NPBWR1: variants seen among roughly 807,000 people sequenced by gnomAD.
NPBWR1 encodes the protein neuropeptides B and W receptor 1.
A neutral mutation model predicts 2.8 loss-of-function variants in NPBWR1; 4 were observed. The observed-to-expected ratio is 1.44, with a 90% CI of 0.71 to 3.29. The LOEUF is 3.29. Ranked by LOEUF, NPBWR1 falls within the 30% of genes most tolerant of loss-of-function variation. NPBWR1 has a pLI of 0.01. For synonymous variants in NPBWR1, 250 were observed against 224.5 expected, an observed-to-expected ratio of 1.11 and a Z score of -1.02; for missense variants, 545 against 462.5, an observed-to-expected ratio of 1.18 and a Z score of -1.64.
Position 52,942,945 on chromosome 8 carries a change from T to C in NPBWR1, c.*2051T>C, listed in dbSNP as rs546825431. Among the ~76,000 whole-genome samples, 19 of 152,240 alleles carry C rather than the reference T, an allele frequency of 1.2e-4. No individual in the cohort carries two copies. Among genetic ancestry groups the C allele is most frequent in the Non-Finnish European group, 2.5e-4 (17 of 68,042 alleles). On this transcript the variant is annotated 3_prime_UTR_variant, in exon 2 of 2. Transcript: ENST00000674939. ...TTTCGAATTTCTAGGAAACATTCTA[T>C]TGATTTTCCTTAAACTCTCAAAATT...
In NPBWR1 at chr8:52,940,151, G is replaced by A; in HGVS notation, c.244G>A (p.Ala82Thr). The A allele has an allele frequency of 1.2e-6, 2 of 1,613,470 alleles. No homozygotes were observed. Among genetic ancestry groups the A allele is most frequent in the Non-Finnish European group, 1.7e-6 (2 of 1,179,992 alleles). Residue 82 changes from alanine (A) to threonine (T), a missense_variant, in exon 2 of 2, where the codon GCC becomes ACC. By Grantham distance (58) the Ala-to-Thr change is moderately conservative. Transcript: ENST00000674939. Reference protein sequence around the residue: ...TNLFILNLAIADELFTLVLPI... With the variant: ...TNLFILNLAITDELFTLVLPI... Reference sequence around the variant, plus strand: ...CCTGTTCATCCTCAACCTGGCCATCGCCGACGAGCTCTTCACGCTGGTGCT... The same window carrying A: ...CCTGTTCATCCTCAACCTGGCCATCACCGACGAGCTCTTCACGCTGGTGCT...
rs145057890 is a variant in NPBWR1, at chr8:52,940,023, C to T, written c.116C>T (p.Ala39Val). The T allele has an allele frequency of 2.3e-4, 368 of 1,605,908 alleles. No homozygotes were observed. The highest frequency in any genetic ancestry group is 2.8e-4 in the Non-Finnish European group (326 of 1,179,784). Residue 39 changes from alanine to valine, a missense_variant, in exon 2 of 2, where the codon GCT (alanine) becomes GTT (valine). Physicochemically the swap from Ala to Val is moderately conservative, Grantham distance 64. Transcript: ENST00000674939. ...CCGCTGCCGGCGCCGCTGGCGGTGGCTGTACCAGTTGTCTACGCGGTGATC... is the reference window on the plus strand; with the variant it reads ...CCGCTGCCGGCGCCGCTGGCGGTGGTTGTACCAGTTGTCTACGCGGTGATC... ...LAPLPAPLAV[A>V]VPVVYAVICA...
chr8:52,939,536 C>T (rs1014679557), intron 1 of NPBWR1, 170 bp downstream of exon 1: 40 of 229,598 alleles, frequency 1.7e-4, no homozygotes, highest in Non-Finnish European at 2.0e-4. Context: ...CTCTCTCTAG[C>T]ATTTCGTTTG....
rs1802910782 is a variant in NPBWR1, at chr8:52,943,152, G to A, written c.*2258G>A. ...GCTCAGTAACTGGACTCAGATGGGGGACAGCTGAGTGATCCATCTGTCCAC... is the reference window on the plus strand; with the variant it reads ...GCTCAGTAACTGGACTCAGATGGGGAACAGCTGAGTGATCCATCTGTCCAC... On this transcript the variant is annotated 3_prime_UTR_variant, in exon 2 of 2. Coordinates refer to ENST00000674939, the MANE Select transcript of NPBWR1 (RefSeq NM_005285.5). Among the ~76,000 whole-genome samples, 1 of 152,208 alleles carries A rather than the reference G, an allele frequency of 6.6e-6. No individual in the cohort carries two copies. Among genetic ancestry groups the A allele is most frequent in the African/African-American group, 2.4e-5 (1 of 41,452 alleles).
At position 52,941,973 on chromosome 8, in the gene NPBWR1, T is replaced by TC. The variant is rs1802883750; in HGVS notation, c.*1080dup. On this transcript the variant is annotated 3_prime_UTR_variant, in exon 2 of 2. Transcript: ENST00000674939. The stretch of plus-strand genomic sequence containing the variant: ...ACTTAGATCAGTTTGTTGTAACTGT[T>TC]CATGTGTGTACTGTTTTTCAGGACT... Among the ~76,000 whole-genome samples the TC allele has an allele frequency of 6.6e-6, 1 of 152,254 alleles. No individual in the cohort carries two copies. Among genetic ancestry groups the TC allele is most frequent in the African/African-American group, 2.4e-5 (1 of 41,470 alleles).
At position 52,941,054 on chromosome 8, in the gene NPBWR1, C is replaced by T. The variant is rs79560601; in HGVS notation, c.*160C>T. 0.14 allele frequency: 138,254 copies of T among 995,462 alleles called. 10,413 individuals are homozygous for T. The highest frequency in any genetic ancestry group is 0.2 in the Middle Eastern group (612 of 3,066). 61.7% of individuals were successfully genotyped at this position (995,462 alleles called of 1,614,324 possible). A position where few individuals can be genotyped will look rare whatever the true frequency, so the allele number is the denominator to read the frequency against. On this transcript the variant is annotated 3_prime_UTR_variant, in exon 2 of 2. Transcript: ENST00000674939. ...AGATCGGAAGCGCTGCGACTGTGCC[C>T]GCAGGTTGACCTTGCCAAGCCCTCC...
In NPBWR1 at chr8:52,942,635, A is replaced by T. The variant is rs1802900311; in HGVS notation, c.*1741A>T. ...CTTTTAATAAATATTTGGAAGGAAA[A>T]AACTCCCCCTTGGAATGGGGGGAAG... On this transcript the variant is annotated 3_prime_UTR_variant, in exon 2 of 2. Coordinates refer to ENST00000674939, the MANE Select transcript of NPBWR1 (RefSeq NM_005285.5). 6.6e-6 allele frequency among the ~76,000 whole-genome samples: 1 copy of T among 152,194 alleles called. No individual in the cohort carries two copies. The highest frequency in any genetic ancestry group is 1.5e-5 in the Non-Finnish European group (1 of 68,036).
rs563711899 is a variant in NPBWR1 at position 52,942,919 on chromosome 8, C to A, written c.*2025C>A. On this transcript the variant is annotated 3_prime_UTR_variant, in exon 2 of 2. Coordinates refer to ENST00000674939, the MANE Select transcript of NPBWR1 (RefSeq NM_005285.5). ...GGCTTCTTGGAATTCATTTTAATAT[C>A]TTTCGAATTTCTAGGAAACATTCTA... Among the ~76,000 whole-genome samples, 2 of 152,310 alleles carry A rather than the reference C, an allele frequency of 1.3e-5. No individual in the cohort carries two copies. Among genetic ancestry groups the A allele is most frequent in the East Asian group, 3.9e-4 (2 of 5,186 alleles).
Position 52,943,233 on chromosome 8 carries a change from C to A in NPBWR1, c.*2339C>A, listed in dbSNP as rs1196092901. Among the ~76,000 whole-genome samples, 3 of 152,334 alleles carry A rather than the reference C, an allele frequency of 2.0e-5. No individual in the cohort carries two copies. The East Asian group carries it at 5.8e-4, about 29-fold the overall frequency. On this transcript the variant is annotated 3_prime_UTR_variant, in exon 2 of 2. Coordinates refer to ENST00000674939, the MANE Select transcript of NPBWR1 (RefSeq NM_005285.5). ...GCCTTCTTGGAATCTATGGAGATGA[C>A]TGCTGGAAAAATACACGGGCTGACA...
chr8:52,943,665 C>T lies in NPBWR1; in HGVS notation c.*2771C>T, dbSNP rs1369360038. Among the ~76,000 whole-genome samples the T allele has an allele frequency of 1.3e-5, 2 of 152,182 alleles. No homozygotes were observed. The highest frequency in any genetic ancestry group is 2.4e-5 in the African/African-American group (1 of 41,438). ...TATGCTTATGTTTTCTCTTGACAAA[C>T]GCAGAAACTCTGTAGTCCATTGTAG... On this transcript the variant is annotated 3_prime_UTR_variant, in exon 2 of 2. Coordinates refer to ENST00000674939, the MANE Select transcript of NPBWR1 (RefSeq NM_005285.5).
rs145403069 is a variant in NPBWR1 at position 52,941,880 on chromosome 8, G to C, written c.*986G>C. 2.1e-3 allele frequency among the ~76,000 whole-genome samples: 314 copies of C among 152,314 alleles called. No homozygotes were observed. The highest frequency in any genetic ancestry group is 7.4e-3 in the African/African-American group (306 of 41,582). On this transcript the variant is annotated 3_prime_UTR_variant, in exon 2 of 2. Coordinates refer to ENST00000674939, the MANE Select transcript of NPBWR1 (RefSeq NM_005285.5). ...CGCTTCACAGCGCTGTGGCACACTG[G>C]TCATCGTTGCTTATAGAGGATGCCA...
rs1860190400 is a variant in NPBWR1, at chr8:52,941,028, C to T, written c.*134C>T. ...GACTCGCGCCCCATACCCGACCTAG[C>T]AGATCGGAAGCGCTGCGACTGTGCC... On this transcript the variant is annotated 3_prime_UTR_variant, in exon 2 of 2. Coordinates refer to ENST00000674939, the MANE Select transcript of NPBWR1 (RefSeq NM_005285.5). 8.3e-7 allele frequency: 1 copy of T among 1,210,318 alleles called. No individual in the cohort carries two copies. The highest frequency in any genetic ancestry group is 1.6e-5 in the South Asian group (1 of 62,170). The allele number at this position is 1,210,318 out of a possible 1,614,324, so 75.0% of individuals were successfully genotyped here.
rs532277350 is a variant in NPBWR1 at position 52,941,026 on chromosome 8, A to G, written c.*132A>G. 1.9e-4 allele frequency: 229 copies of G among 1,220,656 alleles called. 4 individuals carry two copies. The South Asian group carries it at 2.6e-3, about 14-fold the overall frequency. 75.6% of individuals were successfully genotyped at this position (1,220,656 alleles called of 1,614,324 possible). On this transcript the variant is annotated 3_prime_UTR_variant, in exon 2 of 2. Coordinates refer to ENST00000674939, the MANE Select transcript of NPBWR1 (RefSeq NM_005285.5). Reference sequence around the variant, plus strand: ...CCGACTCGCGCCCCATACCCGACCTAGCAGATCGGAAGCGCTGCGACTGTG... The same window carrying G: ...CCGACTCGCGCCCCATACCCGACCTGGCAGATCGGAAGCGCTGCGACTGTG...
Position 52,940,234 on chromosome 8 carries a change from C to T in NPBWR1, c.327C>T (p.Cys109=). The T allele has an allele frequency of 6.2e-7, 1 of 1,613,810 alleles. No individual in the cohort carries two copies. Among genetic ancestry groups the T allele is most frequent in the African/African-American group, 1.3e-5 (1 of 75,070 alleles). ...AGTGGCCCTTCGGGGAGCTCATGTG[C>T]AAGCTCATCGTGGCTATCGACCAGT... The part of the protein sequence containing the change: ...LRQWPFGELM[C]KLIVAIDQYN... Residue 109 remains cysteine (C), a synonymous_variant, in exon 2 of 2, where the codon TGC becomes TGT. Transcript: ENST00000674939.
rs753374186 is a variant in NPBWR1, at chr8:52,939,926, T to C, written c.19T>C (p.Ser7Pro). 43 of 1,553,110 alleles carry C rather than the reference T, an allele frequency of 2.8e-5. No homozygotes were observed. The highest frequency in any genetic ancestry group is 2.9e-5 in the Non-Finnish European group (34 of 1,158,252). The change falls in exon 2 of 2, where the codon TCG becomes CCG. Residue 7 changes from serine (S) to proline (P), a missense_variant. Transcript: ENST00000674939. ...CGTTGAGATGGACAACGCCTCGTTC[T>C]CGGAGCCCTGGCCCGCCAACGCATC... The part of the protein sequence containing the change: MDNASF[S>P]EPWPANASGP...
Position 52,941,547 on chromosome 8 carries a change from CTG to C in NPBWR1, c.*670_*671del, listed in dbSNP as rs111878763. 1.5e-4 allele frequency among the ~76,000 whole-genome samples: 22 copies of C among 150,328 alleles called. No individual in the cohort carries two copies. The highest frequency in any genetic ancestry group is 3.5e-3 in the Middle Eastern group (1 of 288). ...ATGCCCCATCGGAGTGTGTATACACCTGTGTGTGTGTGTGTGTGGTGTGCGCG... is the reference window on the plus strand; with the variant it reads ...ATGCCCCATCGGAGTGTGTATACACCTGTGTGTGTGTGTGTGGTGTGCGCG... On this transcript the variant is annotated 3_prime_UTR_variant, in exon 2 of 2. Transcript: ENST00000674939.
Position 52,942,892 on chromosome 8 carries a change from G to A in NPBWR1, c.*1998G>A, listed in dbSNP as rs189492105. Among the ~76,000 whole-genome samples the A allele has an allele frequency of 1.5e-3, 224 of 152,322 alleles. 1 individual carries two copies. Among genetic ancestry groups the A allele is most frequent in the African/African-American group, 5.2e-3 (217 of 41,566 alleles). On this transcript the variant is annotated 3_prime_UTR_variant, in exon 2 of 2. Coordinates refer to ENST00000674939, the MANE Select transcript of NPBWR1 (RefSeq NM_005285.5). ...GGCCTCTCTCTGCTGGCCGGCTTCGGAGGCTTCTTGGAATTCATTTTAATA... is the reference window on the plus strand; with the variant it reads ...GGCCTCTCTCTGCTGGCCGGCTTCGAAGGCTTCTTGGAATTCATTTTAATA...
At position 52,941,885 on chromosome 8, in the gene NPBWR1, C is replaced by CG. The variant is rs1034703138; in HGVS notation, c.*992dup. ...CACAGCGCTGTGGCACACTGGTCAT[C>CG]GTTGCTTATAGAGGATGCCAAGCCC... is the stretch of plus-strand genomic sequence containing the variant. On this transcript the variant is annotated 3_prime_UTR_variant, in exon 2 of 2. Transcript: ENST00000674939. 2.6e-5 allele frequency among the ~76,000 whole-genome samples: 4 copies of CG among 152,194 alleles called. No individual in the cohort carries two copies. The highest frequency in any genetic ancestry group is 4.4e-5 in the Non-Finnish European group (3 of 68,034).
At position 52,940,075 on chromosome 8, in the gene NPBWR1, C is replaced by T; in HGVS notation, c.168C>T (p.Ser56=). 6.2e-7 allele frequency: 1 copy of T among 1,610,774 alleles called. No homozygotes were observed. Among genetic ancestry groups the T allele is most frequent in the Non-Finnish European group, 8.5e-7 (1 of 1,179,956 alleles). Residue 56 remains serine, a synonymous_variant, in exon 2 of 2, where the codon TCC becomes TCT. Coordinates refer to ENST00000674939, the MANE Select transcript of NPBWR1 (RefSeq NM_005285.5). The part of the protein sequence containing the change: ...VICAVGLAGN[S]AVLYVLLRAP... ...GCGCCGTGGGTCTGGCGGGCAACTC[C>T]GCCGTGCTGTACGTGTTGCTGCGGG...
Sources: gnomAD v4.1 joint callset for allele counts (sites outside exome capture counted in the v4.1 genomes callset) on GRCh38, gnomAD v4.1.1 for gene constraint, MANE v1.5 for transcripts, NCBI Gene and HGNC (gene_info 2026-07-23, HGNC 2026-07-21) for gene names.